The following AP1AR variants were observed in gnomAD, a reference collection of about 807,000 sequenced individuals.
AP1AR encodes adaptor related protein complex 1 associated regulatory protein, also known as AP-1 complex-associated regulatory protein.
AP1AR carries 29 observed loss-of-function variants against 46.3 expected under a neutral mutation model. The ratio of observed to expected loss-of-function variants is 0.63; its 90% CI spans 0.47 to 0.85. AP1AR has a LOEUF of 0.85. Among genes scored for constraint, AP1AR ranks in the 40% least tolerant of loss-of-function variants. The probability of loss-of-function intolerance (pLI) is 0.00; values close to 1 mark genes in which losing one functional copy is unlikely to be tolerated. For synonymous variants in AP1AR, 122 were observed against 122.9 expected, an observed-to-expected ratio of 0.99 and a Z score of 0.05; for missense variants, 357 against 356.3, an observed-to-expected ratio of 1.00 and a Z score of -0.02.
At position 112,265,729 on chromosome 4, in the gene AP1AR, T is replaced by C; in HGVS notation, c.441-5T>C. On this transcript the variant is annotated splice_polypyrimidine_tract_variant and splice_region_variant and intron_variant, in intron 7 of 9. Transcript: ENST00000274000. ...TATTAAAAAATTATTTCACTTTTAT[T>C]ACAGTTCAGGACCAGAAGATGACTT... 4 of 1,601,476 alleles carry C rather than the reference T, an allele frequency of 2.5e-6. No individual in the cohort carries two copies. The highest frequency in any genetic ancestry group is 2.6e-6 in the Non-Finnish European group (3 of 1,173,364).
At chr4:112,240,356 G>C (rs1361411583) in intron 1 of AP1AR, among the ~76,000 whole-genome samples, 1 of 152,120 alleles carries the variant, frequency 6.6e-6, no homozygotes, top group Non-Finnish European at 1.5e-5. Context: ...CCTCCAGAGG[G>C]TAAGTCTGCA....
In AP1AR at chr4:112,268,274, G is replaced by A; in HGVS notation, c.774G>A (p.Leu258=). 2 of 1,613,252 alleles carry A rather than the reference G, an allele frequency of 1.2e-6. No individual in the cohort carries two copies. Among genetic ancestry groups the A allele is most frequent in the Non-Finnish European group, 1.7e-6 (2 of 1,179,446 alleles). ...PTSASDDSNG[L]EWENDFVSAE... is the part of the protein sequence containing the mutation. ...CAGCCTCTGATGATTCCAATGGGCT[G>A]GAGTGGGAAAATGATTTTGTTAGTG... Residue 258 remains leucine, a synonymous_variant, in exon 10 of 10, where the codon CTG becomes CTA. Transcript: ENST00000274000.
chr4:112,252,833 T>C (rs1341172461), intron 1 of AP1AR, among the ~76,000 whole-genome samples: 1 of 152,230 alleles, frequency 6.6e-6, no homozygotes, highest in Non-Finnish European at 1.5e-5. Flanking sequence ...ATTGAGAACA[T>C]ATTCTTTTTA....
intron 1 of AP1AR, among the ~76,000 whole-genome samples, chr4:112,235,539 A>G (rs1725201077): frequency 6.6e-6 from 1 of 152,182 alleles, no homozygotes; most frequent in Non-Finnish European, 1.5e-5. Flanking sequence ...GTTACTTCCT[A>G]TGTGCCAGGC....
At chr4:112,246,312 C>T (rs781611576) in intron 1 of AP1AR, among the ~76,000 whole-genome samples, 12 of 152,110 alleles carry the variant, frequency 7.9e-5, no homozygotes, top group Non-Finnish European at 1.6e-4. Context: ...TCGAGACCAG[C>T]CTGGCCAATA....
chr4:112,252,416 G>A (rs1725998371), intron 1 of AP1AR, among the ~76,000 whole-genome samples: 1 of 152,296 alleles, frequency 6.6e-6, no homozygotes, highest in South Asian at 2.1e-4. Flanking sequence ...TGTAACAGGA[G>A]CCACATTATG....
chr4:112,260,865 A>G lies in AP1AR; in HGVS notation c.282+3A>G, dbSNP rs758780547. ...TTGATAAGAAAATTCAAAAAGAGGT[A>G]AATTGTCTTTTATATTGCTTAAGTA... On this transcript the variant is annotated splice_donor_region_variant and intron_variant, in intron 5 of 9. Coordinates refer to ENST00000274000, the MANE Select transcript of AP1AR (RefSeq NM_018569.6). The G allele has an allele frequency of 3.9e-6, 6 of 1,547,130 alleles. No individual in the cohort carries two copies. In the East Asian group the frequency reaches 1.1e-4, roughly 29 times the overall value.
chr4:112,264,504 G>C (rs1023581722), intron 6 of AP1AR, among the ~76,000 whole-genome samples: 5 of 152,172 alleles, frequency 3.3e-5, no homozygotes, highest in Admixed American at 3.3e-4. Flanking sequence ...CCATGCCAGG[G>C]ATATATAGCT....
At chr4:112,260,485 G>A (rs1229965467) in intron 4 of AP1AR, among the ~76,000 whole-genome samples, 1 of 152,216 alleles carries the variant, frequency 6.6e-6, no homozygotes, top group East Asian at 1.9e-4. Flanking sequence ...CTGAAGCAGA[G>A]CCAGATGAAG....
intron 1 of AP1AR, among the ~76,000 whole-genome samples, chr4:112,235,694 A>T (rs551904019): frequency 1.3e-5 from 2 of 152,172 alleles, no homozygotes; most frequent in African/African-American, 4.8e-5. Context: ...TGGGATTGCA[A>T]CCCAGGTCCC....
chr4:112,233,809 A>G (rs1725123606), intron 1 of AP1AR, among the ~76,000 whole-genome samples: 1 of 152,116 alleles, frequency 6.6e-6, no homozygotes, highest in Admixed American at 6.5e-5. Flanking sequence ...AATCAGCGTG[A>G]GTGTTAATTG....
intron 4 of AP1AR, among the ~76,000 whole-genome samples, chr4:112,259,077 C>G (rs1726330819): frequency 6.6e-6 from 1 of 152,050 alleles, no homozygotes; most frequent in African/African-American, 2.4e-5. Flanking sequence ...AAAGAAGAAC[C>G]AGGAGAGCTT....
At chr4:112,264,895 A>G in intron 6 of AP1AR, 114 bp from the exon 7 acceptor site, 1 of 781,016 alleles carries the variant, frequency 1.3e-6, no homozygotes, top group Non-Finnish European at 2.0e-6. Flanking sequence ...TATCAACAAA[A>G]TAACTTTTTT....
intron 1 of AP1AR, among the ~76,000 whole-genome samples, chr4:112,241,421 GA>G (rs1183854089): frequency 6.6e-5 from 10 of 152,320 alleles, no homozygotes; most frequent in African/African-American, 1.9e-4. Context: ...GGAGACCCAG[GA>G]AAGCTGGTCG....
At chr4:112,241,242 C>T (rs72664594) in intron 1 of AP1AR, among the ~76,000 whole-genome samples, 1 of 151,906 alleles carries the variant, frequency 6.6e-6, no homozygotes, top group African/African-American at 2.4e-5. Flanking sequence ...ATTATTACTA[C>T]CTGTATTAGT....
intron 1 of AP1AR, among the ~76,000 whole-genome samples, chr4:112,251,466 G>C (rs1725959658): frequency 6.6e-6 from 1 of 152,148 alleles, no homozygotes; most frequent in South Asian, 2.1e-4. Context: ...TTAGCTTTGG[G>C]CTTTGCCACA....
chr4:112,232,960 G>GT (rs1215489175), intron 1 of AP1AR, among the ~76,000 whole-genome samples: 4 of 152,016 alleles, frequency 2.6e-5, no homozygotes, highest in Non-Finnish European at 5.9e-5. Flanking sequence ...CCGTTTTTGT[G>GT]TTTTTTTATT....
chr4:112,236,739 A>G (rs1011719150), intron 1 of AP1AR, among the ~76,000 whole-genome samples: 2 of 152,054 alleles, frequency 1.3e-5, no homozygotes, highest in Non-Finnish European at 2.9e-5. Context: ...TGACAGCATG[A>G]TGAATTACAT....
At chr4:112,265,843 C>G (rs1031760438) in intron 8 of AP1AR, 36 bp downstream of exon 8, 1 of 1,314,342 alleles carries the variant, frequency 7.6e-7, no homozygotes, top group Non-Finnish European at 1.1e-6. Flanking sequence ...ACTTTTTATG[C>G]CACAGTAAAC....
Sources: gnomAD v4.1 joint callset for allele counts (sites outside exome capture counted in the v4.1 genomes callset) on GRCh38, gnomAD v4.1.1 for gene constraint, MANE v1.5 for transcripts, NCBI Gene and HGNC (gene_info 2026-07-23, HGNC 2026-07-21) for gene names.